The following REV3L variants were observed in gnomAD, a reference collection of about 807,000 sequenced individuals.
REV3L encodes DNA polymerase zeta catalytic subunit.
A neutral mutation model predicts 299.4 loss-of-function variants in REV3L; 69 were observed. The ratio of observed to expected loss-of-function variants is 0.23; its 90% CI spans 0.19 to 0.28. The LOEUF is 0.28. Among genes scored for constraint, REV3L ranks in the 10% least tolerant of loss-of-function variants. REV3L has a pLI of 1.00. For missense variants in REV3L, 3,128 were observed against 3,693.8 expected (o/e 0.85, Z 3.97); for synonymous variants, 1,238 against 1,271.4 (o/e 0.97, Z 0.56).
At chr6:111,479,509 C>CTT (rs397758175) in intron 1 of REV3L, among the ~76,000 whole-genome samples, 37,992 of 129,894 alleles carry the variant, frequency 0.29, 7,005 homozygotes, top group South Asian at 0.41. Context: ...CCCCCCCCGC[C>CTT]TTTTTTTTTT....
Position 111,405,586 on chromosome 6 carries a change from T to C in REV3L, c.449A>G (p.Tyr150Cys). Residue 150 changes from tyrosine (Y) to cysteine (C), a missense_variant, in exon 4 of 32, where the codon TAC becomes TGC. Tyr to Cys is a radical substitution (Grantham distance 194). This residue lies in a region of REV3L where 2,409 missense variants were observed against 2,611.8 expected (regional missense o/e 0.92). Coordinates refer to ENST00000368802, the MANE Select transcript of REV3L (RefSeq NM_001372078.1). ...LQSGAIMNKF[Y>C]QPHEAHIPYL... ...GGGAATATGCGCTTCATGAGGCTGG[T>C]AAAATTTATTCATTATGGCTCCGCT... 1 of 1,607,500 alleles carries C rather than the reference T, an allele frequency of 6.2e-7. No individual in the cohort carries two copies. Among genetic ancestry groups the C allele is most frequent in the Non-Finnish European group, 8.5e-7 (1 of 1,177,506 alleles).
chr6:111,338,352 T>A (rs866181157), intron 21 of REV3L, among the ~76,000 whole-genome samples: 38 of 127,614 alleles, frequency 3.0e-4, no homozygotes, highest in Admixed American at 5.8e-4. Context: ...TTTTTTTTTT[T>A]AAATAAGACT....
At chr6:111,480,246 C>T (rs1388484303) in intron 1 of REV3L, among the ~76,000 whole-genome samples, 1 of 152,176 alleles carries the variant, frequency 6.6e-6, no homozygotes, top group East Asian at 1.9e-4. Flanking sequence ...ATGTGTTACA[C>T]ATTTTTATTA....
rs767081872 is a variant in REV3L at position 111,376,257 on chromosome 6, T to G, written c.2098A>C (p.Asn700His). The part of the protein sequence containing the change: ...FIHMHRHPNE[N>H]TLGKNSFNFS... Reference sequence around the variant, plus strand: ...TTGAAAGAATTTTTGCCCAATGTATTCTCGTTAGGGTGACGGTGCATATGT... The same window carrying G: ...TTGAAAGAATTTTTGCCCAATGTATGCTCGTTAGGGTGACGGTGCATATGT... The change falls in exon 13 of 32, where the codon AAT becomes CAT. Residue 700 changes from asparagine to histidine, a missense_variant. Coordinates refer to ENST00000368802, the MANE Select transcript of REV3L (RefSeq NM_001372078.1). The G allele has an allele frequency of 6.2e-7, 1 of 1,613,870 alleles. No homozygotes were observed. Among genetic ancestry groups the G allele is most frequent in the Non-Finnish European group, 8.5e-7 (1 of 1,179,924 alleles).
chr6:111,419,068 A>G (rs7751272), intron 1 of REV3L, among the ~76,000 whole-genome samples: 102,312 of 151,998 alleles, frequency 0.67, 36,606 homozygotes, highest in Non-Finnish European at 0.81. Flanking sequence ...AGGATCCCCA[A>G]CATATTGCAC....
chr6:111,429,152 G>C lies in REV3L; in HGVS notation c.140-12680C>G, dbSNP rs1452488312. Among the ~76,000 whole-genome samples, 10 of 152,146 alleles carry C rather than the reference G, an allele frequency of 6.6e-5. No individual in the cohort carries two copies. The East Asian group carries it at 1.9e-3, about 29-fold the overall frequency. ...AATGCTATCCTTCAAATATAAAAAA[G>C]AGGGTTTTTGGTTTGTCTTTTTATT... On this transcript the variant is annotated intron_variant, in intron 1 of 31. Transcript: ENST00000368802.
rs1182357232 is a variant in REV3L, at chr6:111,389,106, C to T, written c.862G>A (p.Asp288Asn). Reference protein sequence around the residue: ...TSQMSQPESQDHRFVPATESE... With the variant: ...TSQMSQPESQNHRFVPATESE... ...AATCAGAGCACTATTAGGTTTATAC[C>T]TTGTGACTCAGGTTGGCTCATTTGA... Residue 288 changes from aspartate (D) to asparagine (N), a missense_variant and splice_region_variant, in exon 7 of 32, where the codon GAT (aspartate) becomes AAT (asparagine). By Grantham distance (23) the Asp-to-Asn change is conservative. Around this residue, in one of 9 missense-constraint regions of REV3L, gnomAD observed 2,409 missense variants for 2,611.8 expected, o/e 0.92. Transcript: ENST00000368802. 8.1e-6 allele frequency: 13 copies of T among 1,610,488 alleles called. No individual in the cohort carries two copies. The highest frequency in any genetic ancestry group is 5.0e-5 in the Admixed American group (3 of 59,950).
intron 1 of REV3L, among the ~76,000 whole-genome samples, chr6:111,426,757 T>C (rs778549701): frequency 2.6e-5 from 4 of 152,240 alleles, no homozygotes; most frequent in Non-Finnish European, 5.9e-5. Flanking sequence ...TTTCAATAAC[T>C]ATGAAACTAT....
chr6:111,388,013 T>C lies in REV3L; in HGVS notation c.935A>G (p.Asn312Ser), dbSNP rs1781515378. The C allele has an allele frequency of 1.2e-6, 2 of 1,612,262 alleles. No individual in the cohort carries two copies. The highest frequency in any genetic ancestry group is 1.3e-5 in the African/African-American group (1 of 75,024). Residue 312 changes from asparagine (N) to serine (S), a missense_variant, in exon 8 of 32, where the codon AAT (asparagine) becomes AGT (serine). Asn to Ser is a conservative substitution (Grantham distance 46, BLOSUM62 1). This residue lies in a region of REV3L where 2,409 missense variants were observed against 2,611.8 expected (regional missense o/e 0.92). Transcript: ENST00000368802. ...AATAACCACTTACACAGAGAAATCA[T>C]TCTGTTTGAGAATTTCCTGAAGTCT... ...QKRLQEILKQ[N>S]DFSVTLSGSV...
At chr6:111,385,712 AATAAGT>A (rs1431497107) in intron 9 of REV3L, among the ~76,000 whole-genome samples, 1 of 152,158 alleles carries the variant, frequency 6.6e-6, no homozygotes, top group Non-Finnish European at 1.5e-5. Flanking sequence ...ACATCTCTAC[AATAAGT>A]ATAACTGATA....
intron 4 of REV3L, among the ~76,000 whole-genome samples, chr6:111,397,645 A>G (rs1329312937): frequency 1.3e-5 from 2 of 152,056 alleles, no homozygotes; most frequent in Non-Finnish European, 2.9e-5. Flanking sequence ...AGTGCAGTTT[A>G]TTTATTTATT....
chr6:111,404,261 T>C (rs1783393079), intron 4 of REV3L, among the ~76,000 whole-genome samples: 1 of 152,200 alleles, frequency 6.6e-6, no homozygotes, highest in South Asian at 2.1e-4. Context: ...GATGACAGTA[T>C]AACAGTTGCA....
intron 1 of REV3L, among the ~76,000 whole-genome samples, chr6:111,466,377 C>T (rs969902218): frequency 2.6e-5 from 4 of 151,956 alleles, no homozygotes; most frequent in African/African-American, 9.7e-5. Flanking sequence ...CATTCCATGA[C>T]ACATTAGATT....
chr6:111,419,288 T>C (rs1785071763), intron 1 of REV3L, among the ~76,000 whole-genome samples: 4 of 151,990 alleles, frequency 2.6e-5, no homozygotes, highest in African/African-American at 9.7e-5. Context: ...AAGAATGATA[T>C]AAGAGAAAAT....
chr6:111,464,861 A>C (rs1791235522), intron 1 of REV3L, among the ~76,000 whole-genome samples: 1 of 151,754 alleles, frequency 6.6e-6, no homozygotes, highest in African/African-American at 2.4e-5. Context: ...AACTAGCTGG[A>C]CATGGCAGCG....
intron 17 of REV3L, 103 bp downstream of exon 17, chr6:111,358,719 G>A: frequency 1.2e-6 from 1 of 826,818 alleles, no homozygotes; most frequent in Non-Finnish European, 1.9e-6. Flanking sequence ...TTTTAGAAAA[G>A]AGTCATCATG....
At chr6:111,458,335 G>A (rs1790382587) in intron 1 of REV3L, among the ~76,000 whole-genome samples, 1 of 152,050 alleles carries the variant, frequency 6.6e-6, no homozygotes, top group Non-Finnish European at 1.5e-5. Context: ...CATACTGGAT[G>A]GGCAAAGCCT....
intron 1 of REV3L, among the ~76,000 whole-genome samples, chr6:111,482,040 TAA>T (rs1373152167): frequency 6.6e-6 from 1 of 152,200 alleles, no homozygotes; most frequent in Non-Finnish European, 1.5e-5. Flanking sequence ...TTGGGCAACA[TAA>T]ACACGCATTT....
intron 2 of REV3L, among the ~76,000 whole-genome samples, chr6:111,415,521 T>C (rs940903427): frequency 1.3e-5 from 2 of 152,116 alleles, no homozygotes; most frequent in Admixed American, 1.3e-4. Context: ...CTCATGGCTG[T>C]AAAACTAGGT....
Sources: gnomAD v4.1 joint callset for allele counts (sites outside exome capture counted in the v4.1 genomes callset) on GRCh38, gnomAD v4.1.1 for gene constraint, gnomAD v4.1.1 regional missense constraint, MANE v1.5 for transcripts, NCBI Gene and HGNC (gene_info 2026-07-23, HGNC 2026-07-21) for gene names.